The following FAM135B variants were observed in gnomAD, a reference collection of about 807,000 sequenced individuals.
FAM135B encodes the protein family with sequence similarity 135 member B.
In FAM135B, 43 loss-of-function variants were observed where a neutral mutation model predicts 127.7. The ratio of observed to expected loss-of-function variants is 0.34; its 90% CI spans 0.26 to 0.43. The LOEUF (loss-of-function observed/expected upper bound fraction) is 0.43. Ranked by LOEUF, FAM135B falls within the 20% of genes least tolerant of loss-of-function variation. FAM135B has a pLI of 1.00. For synonymous variants in FAM135B, 670 were observed against 665.1 expected (o/e 1.01, Z -0.11); for missense variants, 1,558 against 1,725.6 (o/e 0.90, Z 1.72).
chr8:138,456,129 A>G (rs1836765123), intron 1 of FAM135B, among the ~76,000 whole-genome samples: 1 of 152,234 alleles, frequency 6.6e-6, no homozygotes, highest in African/African-American at 2.4e-5. Flanking sequence ...GGCAGCCCAC[A>G]GGGATTCAAC....
chr8:138,224,107 C>T (rs1205630657), intron 7 of FAM135B, among the ~76,000 whole-genome samples: 2 of 152,152 alleles, frequency 1.3e-5, no homozygotes, highest in Admixed American at 6.5e-5. Flanking sequence ...ACAGGATCAA[C>T]TGTACCCCAA....
At chr8:138,354,211 C>A (rs548776859) in intron 2 of FAM135B, among the ~76,000 whole-genome samples, 2 of 152,200 alleles carry the variant, frequency 1.3e-5, no homozygotes, top group African/African-American at 4.8e-5. Context: ...CATAGTCTTC[C>A]TTTATCTATA....
intron 1 of FAM135B, among the ~76,000 whole-genome samples, chr8:138,390,490 T>C (rs747070523): frequency 6.6e-6 from 1 of 152,210 alleles, no homozygotes; most frequent in African/African-American, 2.4e-5. Flanking sequence ...TCTTTTTCTT[T>C]ATAAATTACC....
chr8:138,480,556 T>C (rs1044777230), intron 1 of FAM135B, among the ~76,000 whole-genome samples: 2 of 152,138 alleles, frequency 1.3e-5, no homozygotes, highest in Admixed American at 1.3e-4. Flanking sequence ...TAAGTATCTC[T>C]ACTAAAAGAG....
At chr8:138,202,118 T>A (rs1396809316) in intron 7 of FAM135B, among the ~76,000 whole-genome samples, 1 of 12,692 alleles carries the variant, frequency 7.9e-5, no homozygotes, top group African/African-American at 5.5e-4. Context: ...AGAATGAAAC[T>A]CTGTCTCAAA....
intron 3 of FAM135B, among the ~76,000 whole-genome samples, chr8:138,266,518 T>C (rs1822933045): frequency 6.6e-6 from 1 of 151,882 alleles, no homozygotes; most frequent in Non-Finnish European, 1.5e-5. Context: ...GGGGAACAAA[T>C]GGGTGAACTC....
chr8:138,455,491 G>A (rs957331633), intron 1 of FAM135B, among the ~76,000 whole-genome samples: 2 of 152,146 alleles, frequency 1.3e-5, no homozygotes, highest in East Asian at 3.9e-4. Context: ...TAAAGTGCCA[G>A]ACATTGTTCT....
chr8:138,392,747 T>C (rs1832648995), intron 1 of FAM135B, among the ~76,000 whole-genome samples: 1 of 152,082 alleles, frequency 6.6e-6, no homozygotes. Flanking sequence ...GGAATTACAT[T>C]AGTCCAGCAG....
chr8:138,228,768 C>T (rs1482672374), intron 7 of FAM135B, among the ~76,000 whole-genome samples: 1 of 152,154 alleles, frequency 6.6e-6, no homozygotes, highest in Non-Finnish European at 1.5e-5. Flanking sequence ...AGGAAGAGGA[C>T]AGCAAGGCTT....
At chr8:138,210,235 T>G (rs1818034428) in intron 7 of FAM135B, among the ~76,000 whole-genome samples, 1 of 152,182 alleles carries the variant, frequency 6.6e-6, no homozygotes, top group Non-Finnish European at 1.5e-5. Flanking sequence ...TTTATGCTTT[T>G]CTGATTTTAA....
rs556438073 is a variant in FAM135B at position 138,491,171 on chromosome 8, A to G, written c.-20+5500T>C. Among the ~76,000 whole-genome samples the G allele has an allele frequency of 1.9e-3, 286 of 151,922 alleles. 1 individual carries two copies. The highest frequency in any genetic ancestry group is 6.8e-3 in the African/African-American group (282 of 41,452). On this transcript the variant is annotated intron_variant, in intron 1 of 19. Transcript: ENST00000395297. ...AAAAAAAAAAAAAAGAAAGAAAGAA[A>G]GAAAGACAAGAAAAGAAAAATATTT...
intron 3 of FAM135B, among the ~76,000 whole-genome samples, chr8:138,303,608 A>T (rs1826038552): frequency 6.6e-6 from 1 of 152,218 alleles, no homozygotes; most frequent in Admixed American, 6.5e-5. Context: ...AAATAAAAAA[A>T]TAAAGAAGTA....
At chr8:138,339,510 A>C (rs1447914726) in intron 2 of FAM135B, among the ~76,000 whole-genome samples, 3 of 152,020 alleles carry the variant, frequency 2.0e-5, no homozygotes, top group African/African-American at 7.3e-5. Context: ...AGTCAGGAAA[A>C]GTGACACCTG....
intron 1 of FAM135B, among the ~76,000 whole-genome samples, chr8:138,414,125 T>TA (rs1420918662): frequency 6.7e-6 from 1 of 149,164 alleles, no homozygotes; most frequent in African/African-American, 2.5e-5. Flanking sequence ...AATACATATA[T>TA]ATATATATAT....
chr8:138,225,498 A>G (rs1364169442), intron 7 of FAM135B, among the ~76,000 whole-genome samples: 1 of 152,126 alleles, frequency 6.6e-6, no homozygotes, highest in East Asian at 1.9e-4. Flanking sequence ...ACAAAGAAGA[A>G]AAAGAAAAAA....
intron 1 of FAM135B, among the ~76,000 whole-genome samples, chr8:138,445,587 T>C (rs943355084): frequency 4.6e-5 from 7 of 152,198 alleles, no homozygotes; most frequent in African/African-American, 1.4e-4. Context: ...GAAAAGGCCT[T>C]TGACAAAATT....
intron 1 of FAM135B, among the ~76,000 whole-genome samples, chr8:138,463,328 A>G (rs1444470314): frequency 3.3e-5 from 5 of 152,324 alleles, no homozygotes; most frequent in African/African-American, 9.6e-5. Flanking sequence ...AGTAGGAAAG[A>G]CAGGGCCAGC....
intron 2 of FAM135B, among the ~76,000 whole-genome samples, chr8:138,350,523 C>T (rs1405364041): frequency 6.6e-6 from 1 of 151,358 alleles, no homozygotes; most frequent in Non-Finnish European, 1.5e-5. Flanking sequence ...CACACACACA[C>T]ACATCTGTGA....
At chr8:138,169,014 C>A (rs1489453998) in intron 11 of FAM135B, among the ~76,000 whole-genome samples, 1 of 152,112 alleles carries the variant, frequency 6.6e-6, no homozygotes, top group Non-Finnish European at 1.5e-5. Context: ...TGAAACTCTG[C>A]ACAGACTCAA....
Sources: allele counts gnomAD v4.1 joint callset (sites outside exome capture counted in the v4.1 genomes callset), GRCh38; gene constraint gnomAD v4.1.1; transcripts MANE v1.5; gene names NCBI Gene and HGNC (gene_info 2026-07-23, HGNC 2026-07-21).